WDFY3: variants seen among roughly 807,000 people sequenced by gnomAD.
WDFY3 encodes WD repeat and FYVE domain containing 3, also known as WD repeat and FYVE domain-containing protein 3.
WDFY3 carries 66 observed loss-of-function variants against 409.6 expected under a neutral mutation model. The ratio of observed to expected loss-of-function variants is 0.16; its 90% CI spans 0.13 to 0.20. The LOEUF (loss-of-function observed/expected upper bound fraction) is 0.20. WDFY3 is among the 10% of genes least tolerant of loss of function. The pLI, the probability that WDFY3 is intolerant of heterozygous loss-of-function variation, is 1.00. For missense variants in WDFY3, 3,031 were observed against 4,298.1 expected, an observed-to-expected ratio of 0.71 and a Z score of 8.24; for synonymous variants, 1,521 against 1,537.1, an observed-to-expected ratio of 0.99 and a Z score of 0.25.
intron 10 of WDFY3, among the ~76,000 whole-genome samples, chr4:84,825,303 C>G (rs1754692820): frequency 6.6e-6 from 1 of 150,412 alleles, no homozygotes; most frequent in Non-Finnish European, 1.5e-5. Flanking sequence ...GAAGATTTAA[C>G]TGTAGAATGA....
At chr4:84,695,076 G>A (rs73831553) in intron 58 of WDFY3, among the ~76,000 whole-genome samples, 5 of 152,052 alleles carry the variant, frequency 3.3e-5, no homozygotes, top group Admixed American at 6.5e-5. Context: ...TCACCAGCTC[G>A]TCAAAGTGTG....
chr4:84,940,149 C>T (rs1333458720), intron 1 of WDFY3, among the ~76,000 whole-genome samples: 1 of 151,972 alleles, frequency 6.6e-6, no homozygotes, highest in Non-Finnish European at 1.5e-5. Context: ...TTACTCAATC[C>T]CCAATACACC....
intron 3 of WDFY3, among the ~76,000 whole-genome samples, chr4:84,862,726 G>A (rs943416058): frequency 7.2e-5 from 11 of 152,012 alleles, no homozygotes; most frequent in African/African-American, 2.7e-4. Flanking sequence ...GGCGGCTGAC[G>A]CCTGTAATCC....
rs115922650 is a variant in WDFY3 at position 84,923,871 on chromosome 4, C to A, written c.-132+8399G>T. ...AAAATTAGCCAGTTGTGGTAGTGTG[C>A]ACCCATAGTACCAGCTATTCGGGGA... On this transcript the variant is annotated intron_variant, in intron 2 of 67. Transcript: ENST00000295888. 9.3e-3 allele frequency among the ~76,000 whole-genome samples: 1,409 copies of A among 152,178 alleles called. 24 individuals carry two copies. Among genetic ancestry groups the A allele is most frequent in the African/African-American group, 0.032 (1,315 of 41,518 alleles).
intron 4 of WDFY3, among the ~76,000 whole-genome samples, chr4:84,851,888 T>A (rs1759072255): frequency 6.7e-6 from 1 of 149,556 alleles, no homozygotes; most frequent in Admixed American, 6.8e-5. Flanking sequence ...GTTTAAGTAA[T>A]AAATTAGGCA....
intron 25 of WDFY3, among the ~76,000 whole-genome samples, chr4:84,781,126 A>G (rs947193959): frequency 6.6e-6 from 1 of 152,112 alleles, no homozygotes; most frequent in Non-Finnish European, 1.5e-5. Context: ...ACCATTACCC[A>G]GAGCTTCTCT....
intron 13 of WDFY3, among the ~76,000 whole-genome samples, chr4:84,812,975 C>G (rs979011272): frequency 1.3e-5 from 2 of 152,100 alleles, no homozygotes; most frequent in Admixed American, 6.6e-5. Context: ...CTATATATTA[C>G]TTATATTTGC....
chr4:84,860,563 C>T lies in WDFY3; in HGVS notation c.29G>A (p.Arg10Gln), dbSNP rs1760462663. 1.9e-6 allele frequency: 3 copies of T among 1,611,766 alleles called. No homozygotes were observed. The highest frequency in any genetic ancestry group is 1.7e-6 in the Non-Finnish European group (2 of 1,178,508). MNMVKRIMG[R>Q]PRQEECSPQD... ...TGGGCTGCACTCCTCCTGCCTCGGC[C>T]GCCCCATGATCCTCTTCACCATGTT... The change falls in exon 4 of 68, where the codon CGG becomes CAG. Residue 10 changes from arginine (R) to glutamine (Q), a missense_variant. By Grantham distance (43) the Arg-to-Gln change is conservative (BLOSUM62 1). Coordinates refer to ENST00000295888, the MANE Select transcript of WDFY3 (RefSeq NM_014991.6).
chr4:84,736,143 A>C, intron 42 of WDFY3, 27 bp downstream of exon 42: 1 of 1,596,002 alleles, frequency 6.3e-7, no homozygotes, highest in Non-Finnish European at 8.5e-7. Context: ...ACTACAACTA[A>C]TATCAGCAAT....
At chr4:84,767,926 T>A (rs1423791520) in intron 30 of WDFY3, among the ~76,000 whole-genome samples, 3 of 151,720 alleles carry the variant, frequency 2.0e-5, no homozygotes, top group Non-Finnish European at 4.4e-5. Flanking sequence ...TCTAAAAAAA[T>A]GAAGAAATGA....
intron 64 of WDFY3, among the ~76,000 whole-genome samples, chr4:84,680,604 C>G (rs1727191287): frequency 6.6e-6 from 1 of 152,162 alleles, no homozygotes; most frequent in Non-Finnish European, 1.5e-5. Context: ...ACAAGTATAC[C>G]TGGCCCTCCA....
intron 8 of WDFY3, among the ~76,000 whole-genome samples, chr4:84,830,026 G>C (rs1467054468): frequency 6.6e-6 from 1 of 152,106 alleles, no homozygotes; most frequent in South Asian, 2.1e-4. Context: ...GTATGTATTT[G>C]TATAAAGAAA....
At position 84,672,623 on chromosome 4, in the gene WDFY3, G is replaced by C. The variant is rs1725592674; in HGVS notation, c.*245C>G. 1 of 312,038 alleles carries C rather than the reference G, an allele frequency of 3.2e-6. No individual in the cohort carries two copies. The highest frequency in any genetic ancestry group is 4.7e-5 in the Admixed American group (1 of 21,054). The allele number at this position is 312,038 out of a possible 1,614,324, so 19.3% of individuals were successfully genotyped here. ...CAGCTACTGTCATCAGGGAGAACTG[G>C]AGGTCGAAAGTGTTGCTCCTAGGAA... On this transcript the variant is annotated 3_prime_UTR_variant, in exon 68 of 68. Coordinates refer to ENST00000295888, the MANE Select transcript of WDFY3 (RefSeq NM_014991.6).
At chr4:84,919,955 C>T (rs983067184) in intron 2 of WDFY3, among the ~76,000 whole-genome samples, 2 of 152,090 alleles carry the variant, frequency 1.3e-5, no homozygotes, top group African/African-American at 4.8e-5. Context: ...ATATGATATG[C>T]TCAGAAAGAT....
intron 42 of WDFY3, among the ~76,000 whole-genome samples, chr4:84,735,504 G>T (rs1262829074): frequency 1.3e-5 from 2 of 152,198 alleles, no homozygotes; most frequent in Non-Finnish European, 2.9e-5. Context: ...GCTCCACTTA[G>T]CTTGGCTGAG....
Position 84,798,019 on chromosome 4 carries a change from A to C in WDFY3, c.2912T>G (p.Leu971Arg), listed in dbSNP as rs1464418284. Residue 971 changes from leucine to arginine, a missense_variant, in exon 18 of 68, where the codon CTG becomes CGG. Leu to Arg is a moderately radical substitution (Grantham distance 102, BLOSUM62 -2). Coordinates refer to ENST00000295888, the MANE Select transcript of WDFY3 (RefSeq NM_014991.6). ...KQYRVHKPSS[L>R]SYEPEMRSSM... ...ACTTCTCATTTCTGGTTCATAACTC[A>C]GTGAACTTGGTTTGTGGACCCTATA... 1 of 1,612,370 alleles carries C rather than the reference A, an allele frequency of 6.2e-7. No individual in the cohort carries two copies. The highest frequency in any genetic ancestry group is 1.7e-5 in the Admixed American group (1 of 59,728).
At chr4:84,683,557 C>T (rs907637182) in intron 63 of WDFY3, among the ~76,000 whole-genome samples, 1 of 152,222 alleles carries the variant, frequency 6.6e-6, no homozygotes, top group African/African-American at 2.4e-5. Context: ...TTTTCCAGCA[C>T]TGTGATTCTC....
At chr4:84,755,732 G>GC (rs1366295154) in intron 33 of WDFY3, among the ~76,000 whole-genome samples, 1 of 152,054 alleles carries the variant, frequency 6.6e-6, no homozygotes, top group Admixed American at 6.6e-5. Context: ...ATAAATTTAA[G>GC]CAAGATCTTT....
At chr4:84,849,084 T>A (rs898232340) in intron 5 of WDFY3, among the ~76,000 whole-genome samples, 2 of 152,154 alleles carry the variant, frequency 1.3e-5, no homozygotes, top group Non-Finnish European at 2.9e-5. Context: ...GTATCCTTTT[T>A]TATAAAGCTG....
Sources: gnomAD v4.1 joint callset for allele counts (sites outside exome capture counted in the v4.1 genomes callset) on GRCh38, gnomAD v4.1.1 for gene constraint, MANE v1.5 for transcripts, NCBI Gene and HGNC (gene_info 2026-07-23, HGNC 2026-07-21) for gene names.